ACMSD: variants seen among roughly 807,000 people sequenced by gnomAD.
ACMSD encodes aminocarboxymuconate semialdehyde decarboxylase.
ACMSD carries 37 observed loss-of-function variants against 45.9 expected under a neutral mutation model. That is an observed-to-expected ratio of 0.81 (90% CI 0.62 to 1.06). ACMSD has a LOEUF of 1.06. Ranked by LOEUF, ACMSD falls within the 50% of genes least tolerant of loss-of-function variation. The pLI is 0.00. For synonymous variants in ACMSD, 138 were observed against 148.8 expected, an observed-to-expected ratio of 0.93 and a Z score of 0.53; for missense variants, 434 against 420.9, an observed-to-expected ratio of 1.03 and a Z score of -0.27.
At chr2:134,867,772 T>G in intron 6 of ACMSD, 100 bp downstream of exon 6, 1 of 930,188 alleles carries the variant, frequency 1.1e-6, no homozygotes, top group Non-Finnish European at 1.7e-6. Flanking sequence ...TATGAATAAT[T>G]AACAGGATTA....
chr2:134,859,410 C>T (rs1220073539), intron 3 of ACMSD, 53 bp downstream of exon 3: 2 of 1,558,604 alleles, frequency 1.3e-6, no homozygotes, highest in Admixed American at 3.4e-5. Flanking sequence ...GCAATGTCTG[C>T]CCTTAAAGTT....
chr2:134,878,448 C>T (rs1284813964), intron 8 of ACMSD, among the ~76,000 whole-genome samples: 2 of 152,084 alleles, frequency 1.3e-5, no homozygotes, highest in African/African-American at 2.4e-5. Flanking sequence ...AGCCTCAGTC[C>T]CCTAAGTAGC....
chr2:134,847,393 GATACAGATAGAT>G (rs777716854), intron 2 of ACMSD, among the ~76,000 whole-genome samples: 7 of 123,398 alleles, frequency 5.7e-5, no homozygotes, highest in African/African-American at 1.9e-4. Context: ...GTTTTTTGGG[GATACAGATAGAT>G]AGATAGATAG....
In ACMSD at chr2:134,898,446, T is replaced by C. The variant is rs751633677; in HGVS notation, c.948+7T>C. 3.2e-6 allele frequency: 5 copies of C among 1,563,386 alleles called. No individual in the cohort carries two copies. In the Admixed American group the frequency reaches 6.0e-5, roughly 19 times the overall value. On this transcript the variant is annotated splice_region_variant and intron_variant, in intron 9 of 9. Coordinates refer to ENST00000356140, the MANE Select transcript of ACMSD (RefSeq NM_138326.3). ...ATTTGATGAAGAAACAAAGGTATAA[T>C]GTCTTTTACTTCACGGCTTTCTTAC...
Position 134,872,900 on chromosome 2 carries a change from C to T in ACMSD, c.849+259C>T, listed in dbSNP as rs1024762262. 6.7e-5 allele frequency: 28 copies of T among 420,892 alleles called. No individual in the cohort carries two copies. The South Asian group carries it at 9.2e-4, about 14-fold the overall frequency. The allele number at this position is 420,892 out of a possible 1,614,324, so 26.1% of individuals were successfully genotyped here. On this transcript the variant is annotated intron_variant, in intron 8 of 9. Coordinates refer to ENST00000356140, the MANE Select transcript of ACMSD (RefSeq NM_138326.3). ...CAGATCATCTACATGGCTGGGTATT[C>T]CCCCAGATCAGCTCCTCTTCCTTAG...
intron 8 of ACMSD, among the ~76,000 whole-genome samples, chr2:134,887,143 T>C (rs1046876375): frequency 7.9e-5 from 12 of 152,224 alleles, no homozygotes; most frequent in Non-Finnish European, 1.8e-4. Flanking sequence ...CTCTACGATG[T>C]TAAGATATCA....
At chr2:134,877,316 C>T (rs893352283) in intron 8 of ACMSD, among the ~76,000 whole-genome samples, 1 of 152,056 alleles carries the variant, frequency 6.6e-6, no homozygotes, top group African/African-American at 2.4e-5. Context: ...TGTAATTACC[C>T]CAAAACTTAG....
chr2:134,846,455 T>C (rs1687055889), intron 2 of ACMSD, among the ~76,000 whole-genome samples: 1 of 152,150 alleles, frequency 6.6e-6, no homozygotes, highest in Non-Finnish European at 1.5e-5. Context: ...CCAGCTGGAG[T>C]GCAGTGATGC....
intron 8 of ACMSD, among the ~76,000 whole-genome samples, chr2:134,878,460 G>T (rs1357381135): frequency 6.6e-6 from 1 of 152,128 alleles, no homozygotes. Flanking sequence ...CTAAGTAGCT[G>T]GGATCACAGA....
At chr2:134,893,035 C>T (rs1157966326) in intron 8 of ACMSD, among the ~76,000 whole-genome samples, 1 of 152,036 alleles carries the variant, frequency 6.6e-6, no homozygotes, top group Admixed American at 6.6e-5. Context: ...CATTTTTCAC[C>T]ACCCATTTAC....
In ACMSD at chr2:134,872,497, A is replaced by G. The variant is rs1363679940; in HGVS notation, c.705A>G (p.Arg235=). ...GTGCCTTCCCCTTCACAGTGGGAAG[A>G]ATCTCCCATGGATTCAGCATGCGCC... ...GGGAFPFTVG[R]ISHGFSMRPD... Residue 235 remains arginine (R), a synonymous_variant, in exon 8 of 10, where the codon AGA becomes AGG. Coordinates refer to ENST00000356140, the MANE Select transcript of ACMSD (RefSeq NM_138326.3). 6.2e-7 allele frequency: 1 copy of G among 1,614,176 alleles called. No individual in the cohort carries two copies. The highest frequency in any genetic ancestry group is 1.1e-5 in the South Asian group (1 of 91,084).
intron 5 of ACMSD, chr2:134,867,346 A>G (rs1484281245): frequency 1.2e-5 from 4 of 334,768 alleles, no homozygotes; most frequent in East Asian, 9.6e-5. Flanking sequence ...ATCAACCTCA[A>G]TGGTAAATCT....
At position 134,864,136 on chromosome 2, in the gene ACMSD, T is replaced by A. The variant is rs369686814; in HGVS notation, c.486+505T>A. On this transcript the variant is annotated intron_variant, in intron 5 of 9. Coordinates refer to ENST00000356140, the MANE Select transcript of ACMSD (RefSeq NM_138326.3). ...ATACAAAAAAATTAGCCAGGCGTAGTGCCACACCCCTGTAATCCCAGCTAC... is the reference window on the plus strand; with the variant it reads ...ATACAAAAAAATTAGCCAGGCGTAGAGCCACACCCCTGTAATCCCAGCTAC... Among the ~76,000 whole-genome samples the A allele has an allele frequency of 1.1e-4, 16 of 152,016 alleles. No individual in the cohort carries two copies. In the East Asian group the frequency reaches 3.1e-3, roughly 29 times the overall value.
At chr2:134,853,001 A>G (rs1687414879) in intron 2 of ACMSD, among the ~76,000 whole-genome samples, 1 of 151,980 alleles carries the variant, frequency 6.6e-6, no homozygotes, top group Admixed American at 6.6e-5. Context: ...CGTCTCTACT[A>G]AAAATACAAA....
At chr2:134,842,120 G>T (rs1004985854) in intron 1 of ACMSD, among the ~76,000 whole-genome samples, 1 of 152,156 alleles carries the variant, frequency 6.6e-6, no homozygotes, top group Non-Finnish European at 1.5e-5. Flanking sequence ...TAAATGCTGT[G>T]AGACACTGGT....
intron 3 of ACMSD, chr2:134,859,566 T>C: frequency 2.2e-6 from 1 of 448,328 alleles, no homozygotes; most frequent in Non-Finnish European, 4.0e-6. Flanking sequence ...AGTTATACCC[T>C]GTTTTAAAAT....
chr2:134,868,086 G>C (rs1006250853), intron 6 of ACMSD, among the ~76,000 whole-genome samples: 1 of 152,118 alleles, frequency 6.6e-6, no homozygotes, highest in Non-Finnish European at 1.5e-5. Flanking sequence ...AACCATACCT[G>C]TCTAGTAAAT....
intron 5 of ACMSD, among the ~76,000 whole-genome samples, chr2:134,866,610 T>C (rs1688108305): frequency 6.6e-6 from 1 of 152,238 alleles, no homozygotes; most frequent in Non-Finnish European, 1.5e-5. Flanking sequence ...AATGCTTATG[T>C]ACACAAGTCA....
chr2:134,842,008 G>A (rs183095603), intron 1 of ACMSD, among the ~76,000 whole-genome samples: 5 of 152,208 alleles, frequency 3.3e-5, no homozygotes, highest in African/African-American at 7.2e-5. Context: ...ATGTCATTCA[G>A]TTCATCCACT....
Sources: gnomAD v4.1 joint callset for allele counts (sites outside exome capture counted in the v4.1 genomes callset) on GRCh38, gnomAD v4.1.1 for gene constraint, MANE v1.5 for transcripts, NCBI Gene and HGNC (gene_info 2026-07-23, HGNC 2026-07-21) for gene names.